Variants in SART3 observed in about 807,000 individuals in gnomAD.
SART3 encodes the protein spliceosome associated factor 3, U4/U6 recycling protein, also known as HIV-1 Tat-interacting protein of 110kDa.
A neutral mutation model predicts 122.3 loss-of-function variants in SART3; 44 were observed. That is an observed-to-expected ratio of 0.36 (90% CI 0.28 to 0.46). The LOEUF is 0.46. Among genes scored for constraint, SART3 ranks in the 20% least tolerant of loss-of-function variants. The probability of loss-of-function intolerance (pLI) is 1.00; values close to 1 mark genes in which losing one functional copy is unlikely to be tolerated. For synonymous variants in SART3, 442 were observed against 454.0 expected (o/e 0.97, Z 0.34); for missense variants, 1,101 against 1,229.0 (o/e 0.90, Z 1.56).
intron 18 of SART3, chr12:108,523,947 G>A (rs1872250093): frequency 1.1e-5 from 6 of 560,898 alleles, no homozygotes; most frequent in Non-Finnish European, 1.6e-5. Context: ...TCCCAAACCA[G>A]CGAACAGCAC....
rs1221405334 is a variant in SART3, at chr12:108,543,586, G to A, written c.782-434C>T. On this transcript the variant is annotated intron_variant, in intron 5 of 18. Coordinates refer to ENST00000546815, the MANE Select transcript of SART3 (RefSeq NM_014706.4). ...AACCCAAGCAGTCTGGCTCAAGTTCGCACTCTAATCATTATGCTAGGTTGT... is the reference window on the plus strand; with the variant it reads ...AACCCAAGCAGTCTGGCTCAAGTTCACACTCTAATCATTATGCTAGGTTGT... Among the ~76,000 whole-genome samples, 11 of 152,164 alleles carry A rather than the reference G, an allele frequency of 7.2e-5. No individual in the cohort carries two copies. In the East Asian group the frequency reaches 1.5e-3, roughly 21 times the overall value.
chr12:108,524,609 C>A, intron 17 of SART3, 103 bp from the exon 18 acceptor site: 1 of 1,044,140 alleles, frequency 9.6e-7, no homozygotes, highest in East Asian at 2.4e-5. Flanking sequence ...ACCAGCAGAC[C>A]AGGCCACAGC....
At chr12:108,531,394 A>T in intron 13 of SART3, 114 bp from the exon 14 acceptor site, 1 of 778,570 alleles carries the variant, frequency 1.3e-6, no homozygotes, top group South Asian at 1.4e-5. Context: ...ATCAAACAAT[A>T]AGAAAATGTA....
intron 8 of SART3, 89 bp downstream of exon 8, chr12:108,537,975 AG>A: frequency 6.5e-7 from 1 of 1,546,510 alleles, no homozygotes; most frequent in Non-Finnish European, 8.9e-7. Context: ...AGAAAACCCC[AG>A]GGAACACTGA....
At chr12:108,548,974 C>T in intron 2 of SART3, 114 bp downstream of exon 2, 1 of 1,514,784 alleles carries the variant, frequency 6.6e-7, no homozygotes, top group Non-Finnish European at 9.1e-7. Context: ...TTCTTCTTTC[C>T]ACTACACTGA....
chr12:108,553,632 G>A (rs1272382441), intron 1 of SART3, among the ~76,000 whole-genome samples: 1 of 151,898 alleles, frequency 6.6e-6, no homozygotes, highest in Non-Finnish European at 1.5e-5. Context: ...AATAATCCAG[G>A]TACTAGATAT....
At chr12:108,536,201 C>T (rs1372799691) in intron 11 of SART3, among the ~76,000 whole-genome samples, 1 of 152,242 alleles carries the variant, frequency 6.6e-6, no homozygotes, top group Non-Finnish European at 1.5e-5. Flanking sequence ...AAACAGTACA[C>T]GCTCACTGTG....
In SART3 at chr12:108,526,109, G is replaced by A. The variant is rs771437019; in HGVS notation, c.2360C>T (p.Pro787Leu). 6.2e-7 allele frequency: 1 copy of A among 1,613,904 alleles called. No individual in the cohort carries two copies. Among genetic ancestry groups the A allele is most frequent in the Admixed American group, 1.7e-5 (1 of 60,004 alleles). The change falls in exon 16 of 19, where the codon CCC becomes CTC. Residue 787 changes from proline to leucine, a missense_variant. Physicochemically the swap from Pro to Leu is moderately conservative, Grantham distance 98. This residue lies in a region of SART3 where 885 missense variants were observed against 1,080.1 expected (regional missense o/e 0.82). Coordinates refer to ENST00000546815, the MANE Select transcript of SART3 (RefSeq NM_014706.4). ...VSPCVDKSKN[P>L]DFKVFRYSTS... Reference sequence around the variant, plus strand: ...TTTCCATAAACCTACCTTAAAATCGGGGTTTTTGCTCTTATCCACACAGGG... The same window carrying A: ...TTTCCATAAACCTACCTTAAAATCGAGGTTTTTGCTCTTATCCACACAGGG...
Position 108,526,427 on chromosome 12 carries a change from T to C in SART3, c.2042A>G (p.Gln681Arg). Residue 681 changes from glutamine (Q) to arginine (R), a missense_variant, in exon 16 of 19, where the codon CAG becomes CGG. Around this residue, in one of 2 missense-constraint regions of SART3, gnomAD observed 885 missense variants for 1,080.1 expected, o/e 0.82. Coordinates refer to ENST00000546815, the MANE Select transcript of SART3 (RefSeq NM_014706.4). ...AAVDVEPPSK[Q>R]KEKAASLKRD... ...CTTCAGGGAGGCTGCCTTCTCCTTC[T>C]GCTTCGAAGGGGGCTCCACATCTAC... 6.2e-7 allele frequency: 1 copy of C among 1,614,200 alleles called. No homozygotes were observed. The highest frequency in any genetic ancestry group is 8.5e-7 in the Non-Finnish European group (1 of 1,180,036).
chr12:108,531,100 A>T, intron 14 of SART3, 104 bp downstream of exon 14: 1 of 841,100 alleles, frequency 1.2e-6, no homozygotes, highest in Non-Finnish European at 2.0e-6. Context: ...ATACTGAGTA[A>T]AAGACACTTA....
intron 6 of SART3, chr12:108,542,821 C>T (rs1276017087): frequency 1.4e-6 from 1 of 708,682 alleles, no homozygotes; most frequent in Non-Finnish European, 2.5e-6. Flanking sequence ...TAGGAGACTT[C>T]TAAGGTACTG....
chr12:108,557,100 A>G (rs2030252930), intron 1 of SART3, among the ~76,000 whole-genome samples: 1 of 152,180 alleles, frequency 6.6e-6, no homozygotes, highest in African/African-American at 2.4e-5. Flanking sequence ...TATTAAATAC[A>G]TACTGAAATG....
In SART3 at chr12:108,547,877, G is replaced by A. The variant is rs192068178; in HGVS notation, c.544+10C>T. 2.3e-3 allele frequency: 3,727 copies of A among 1,605,772 alleles called. 16 individuals are homozygous for A. The highest frequency in any genetic ancestry group is 7.6e-3 in the South Asian group (690 of 90,842). ...TGCCAGATATCCAAAAAAAGTCCAC[G>A]GGAACTTACAAATGTAATCCTTCAC... On this transcript the variant is annotated intron_variant, in intron 3 of 18. Coordinates refer to ENST00000546815, the MANE Select transcript of SART3 (RefSeq NM_014706.4).
intron 1 of SART3, among the ~76,000 whole-genome samples, chr12:108,558,751 A>C (rs1306467246): frequency 6.6e-6 from 1 of 152,190 alleles, no homozygotes; most frequent in Non-Finnish European, 1.5e-5. Context: ...TAAAAAGTAG[A>C]GGGCAGGCGC....
chr12:108,542,888 A>T, intron 6 of SART3, 140 bp downstream of exon 6: 1 of 1,139,572 alleles, frequency 8.8e-7, no homozygotes, highest in Non-Finnish European at 1.3e-6. Flanking sequence ...CTTTATTATT[A>T]GTATGTAAAC....
At chr12:108,546,171 A>G (rs1463406021) in intron 3 of SART3, among the ~76,000 whole-genome samples, 1 of 152,144 alleles carries the variant, frequency 6.6e-6, no homozygotes, top group African/African-American at 2.4e-5. Context: ...TGGGAAATCA[A>G]CAAGGAAGAG....
rs757322409 is a variant in SART3, at chr12:108,526,074, G to A, written c.2370+25C>T. The A allele has an allele frequency of 4.4e-6, 7 of 1,578,718 alleles. No individual in the cohort carries two copies. In the Admixed American group the frequency reaches 5.0e-5, roughly 11 times the overall value. ...TGTCTAAAGCAACCACAGATGAAAG[G>A]CATTCTTTTTTTCCATAAACCTACC... On this transcript the variant is annotated intron_variant, in intron 16 of 18. Transcript: ENST00000546815.
chr12:108,539,843 GACACACTGT>G (rs567334954), intron 6 of SART3, among the ~76,000 whole-genome samples: 134 of 152,222 alleles, frequency 8.8e-4, no homozygotes, highest in African/African-American at 2.4e-3. Context: ...TAGTTACCCA[GACACACTGT>G]ACCATTCAAA....
At chr12:108,541,776 G>C (rs1873175071) in intron 6 of SART3, among the ~76,000 whole-genome samples, 1 of 152,092 alleles carries the variant, frequency 6.6e-6, no homozygotes, top group Non-Finnish European at 1.5e-5. Context: ...CTGACCTCAT[G>C]ATTCACCTGC....
Sources: allele counts gnomAD v4.1 joint callset (sites outside exome capture counted in the v4.1 genomes callset), GRCh38; gene constraint gnomAD v4.1.1; regional missense constraint gnomAD v4.1.1; transcripts MANE v1.5; gene names NCBI Gene and HGNC (gene_info 2026-07-23, HGNC 2026-07-21).